Variants in NAALADL2 observed in about 807,000 individuals in gnomAD.
NAALADL2 encodes the protein N-acetylated alpha-linked acidic dipeptidase like 2, also known as inactive N-acetylated-alpha-linked acidic dipeptidase-like protein 2.
NAALADL2 carries 76 observed loss-of-function variants against 87.2 expected under a neutral mutation model. That is an observed-to-expected ratio of 0.87 (90% CI 0.72 to 1.05). The LOEUF is 1.05. NAALADL2 is among the 50% of genes least tolerant of loss of function. The pLI is 0.00. For synonymous variants in NAALADL2, 354 were observed against 331.0 expected (o/e 1.07, Z -0.75); for missense variants, 1,089 against 945.8 (o/e 1.15, Z -1.99).
At chr3:175,327,990 A>G (rs1028200952) in intron 5 of NAALADL2, among the ~76,000 whole-genome samples, 2 of 152,214 alleles carry the variant, frequency 1.3e-5, no homozygotes, top group Non-Finnish European at 2.9e-5. Context: ...TCTTTGCGGA[A>G]TTATTACACA....
chr3:174,998,989 T>A (rs1304463247), intron 1 of NAALADL2, among the ~76,000 whole-genome samples: 1 of 152,150 alleles, frequency 6.6e-6, no homozygotes, highest in African/African-American at 2.4e-5. Flanking sequence ...TTATCCTGCC[T>A]GAGAAATATA....
chr3:174,744,826 A>T (rs769830208), intron 3 of NAALADL2, among the ~76,000 whole-genome samples: 5 of 152,180 alleles, frequency 3.3e-5, no homozygotes, highest in Non-Finnish European at 5.9e-5. Context: ...TGGAAATTGA[A>T]CAACCTGTCC....
At position 175,807,928 on chromosome 3, in the gene NAALADL2, T is replaced by G. The variant is rs923537006; in HGVS notation, c.*4725T>G. 2 of 151,982 alleles carry G rather than the reference T, an allele frequency of 1.3e-5. No individual in the cohort carries two copies. The highest frequency in any genetic ancestry group is 2.9e-5 in the Non-Finnish European group (2 of 67,916). 9.4% of individuals were successfully genotyped at this position (151,982 alleles called of 1,614,324 possible). On this transcript the variant is annotated 3_prime_UTR_variant, in exon 14 of 14. Transcript: ENST00000454872. ...TCACAACTTTTAGGTGACATGAATTTGAAGCGTAGCAAAAGAAATGTATAA... is the reference window on the plus strand; with the variant it reads ...TCACAACTTTTAGGTGACATGAATTGGAAGCGTAGCAAAAGAAATGTATAA...
intron 3 of NAALADL2, among the ~76,000 whole-genome samples, chr3:174,827,523 T>C (rs1560263749): frequency 1.3e-5 from 2 of 152,238 alleles, no homozygotes; most frequent in South Asian, 4.1e-4. Flanking sequence ...GTTCATCTTG[T>C]ACTCTTAGAT....
intron 1 of NAALADL2, among the ~76,000 whole-genome samples, chr3:174,949,153 C>T (rs1475804940): frequency 6.6e-6 from 1 of 152,152 alleles, no homozygotes; most frequent in Non-Finnish European, 1.5e-5. Flanking sequence ...ATCCTACCTC[C>T]TACTACCATC....
chr3:174,545,019 G>A (rs751131023), intron 1 of NAALADL2, among the ~76,000 whole-genome samples: 3 of 151,986 alleles, frequency 2.0e-5, no homozygotes, highest in Non-Finnish European at 4.4e-5. Flanking sequence ...AGGACCACAG[G>A]GATGCATCAT....
intron 2 of NAALADL2, among the ~76,000 whole-genome samples, chr3:174,722,877 G>A (rs1731834919): frequency 6.6e-6 from 1 of 152,118 alleles, no homozygotes; most frequent in African/African-American, 2.4e-5. Context: ...TTCAGTAGCA[G>A]GATCCTGAGT....
At chr3:174,953,493 A>C (rs1383990477) in intron 1 of NAALADL2, among the ~76,000 whole-genome samples, 4 of 151,750 alleles carry the variant, frequency 2.6e-5, no homozygotes, top group African/African-American at 7.3e-5. Context: ...GATATTTAAG[A>C]TGTGTTTTCA....
rs991116369 is a variant in NAALADL2 at position 175,805,930 on chromosome 3, A to G, written c.*2727A>G. The G allele has an allele frequency of 3.9e-5, 6 of 151,908 alleles. No homozygotes were observed. The highest frequency in any genetic ancestry group is 1.4e-4 in the African/African-American group (6 of 41,380). The allele number at this position is 151,908 out of a possible 1,614,324, so 9.4% of individuals were successfully genotyped here. ...CTTGCCTTCAGCCAGAGAAGGCATT[A>G]TCAATTACCCCCACCAGATATAGTA... On this transcript the variant is annotated 3_prime_UTR_variant, in exon 14 of 14. Transcript: ENST00000454872.
At chr3:174,864,141 A>G (rs1342009795) in intron 1 of NAALADL2, 3 of 448,596 alleles carry the variant, frequency 6.7e-6, no homozygotes, top group African/African-American at 4.0e-5. Flanking sequence ...GTGAAGATGG[A>G]CTGGGTACAT....
At chr3:175,172,267 T>TAC (rs1458190616) in intron 2 of NAALADL2, among the ~76,000 whole-genome samples, 1 of 152,030 alleles carries the variant, frequency 6.6e-6, no homozygotes, top group Non-Finnish European at 1.5e-5. Context: ...TTCATATATA[T>TAC]ATATAGTCAT....
chr3:174,924,794 G>A (rs1489961059), intron 1 of NAALADL2, among the ~76,000 whole-genome samples: 1 of 152,148 alleles, frequency 6.6e-6, no homozygotes, highest in Non-Finnish European at 1.5e-5. Flanking sequence ...GTTTTGCTTT[G>A]CATTTCTCTG....
intron 3 of NAALADL2, among the ~76,000 whole-genome samples, chr3:174,819,493 G>A (rs1721196774): frequency 6.6e-6 from 1 of 151,836 alleles, no homozygotes; most frequent in Admixed American, 6.6e-5. Flanking sequence ...GTCATACATG[G>A]ACTCGAGGTC....
At chr3:175,604,228 T>C (rs1218041970) in intron 10 of NAALADL2, among the ~76,000 whole-genome samples, 1 of 152,116 alleles carries the variant, frequency 6.6e-6, no homozygotes, top group Non-Finnish European at 1.5e-5. Flanking sequence ...GTTATATTTT[T>C]TCATAGTAGC....
intron 1 of NAALADL2, among the ~76,000 whole-genome samples, chr3:174,504,724 A>G (rs2108376438): frequency 6.6e-6 from 1 of 152,260 alleles, no homozygotes; most frequent in South Asian, 2.1e-4. Context: ...ATGTCACCAG[A>G]CCTGACTACT....
chr3:175,012,092 C>T (rs1319370042), intron 1 of NAALADL2, among the ~76,000 whole-genome samples: 2 of 152,122 alleles, frequency 1.3e-5, no homozygotes, highest in African/African-American at 4.8e-5. Flanking sequence ...GCAAAATTCC[C>T]TATACGGGAG....
chr3:174,828,538 A>G (rs1224157641), intron 3 of NAALADL2, among the ~76,000 whole-genome samples: 2 of 152,222 alleles, frequency 1.3e-5, no homozygotes, highest in Non-Finnish European at 1.5e-5. Flanking sequence ...AATAAAGGCT[A>G]TGCCTTCAGA....
chr3:175,381,246 T>A (rs527631739), intron 5 of NAALADL2, among the ~76,000 whole-genome samples: 20 of 151,592 alleles, frequency 1.3e-4, no homozygotes, highest in Admixed American at 7.9e-4. Context: ...AAAACATTAA[T>A]GTTTTACTTG....
At chr3:175,732,014 G>A (rs900555038) in intron 11 of NAALADL2, among the ~76,000 whole-genome samples, 2 of 151,978 alleles carry the variant, frequency 1.3e-5, no homozygotes, top group Admixed American at 6.6e-5. Flanking sequence ...ATATTTTGGT[G>A]TTTCTTGTAT....
Sources: gnomAD v4.1 joint callset for allele counts (sites outside exome capture counted in the v4.1 genomes callset) on GRCh38, gnomAD v4.1.1 for gene constraint, MANE v1.5 for transcripts, NCBI Gene and HGNC (gene_info 2026-07-23, HGNC 2026-07-21) for gene names.